The following MYBPC2 variants were observed in gnomAD, a reference collection of about 807,000 sequenced individuals.
The protein encoded by MYBPC2 is myosin binding protein C2, also known as myosin-binding protein C, fast-type.
A neutral mutation model predicts 137.0 loss-of-function variants in MYBPC2; 122 were observed. The observed-to-expected ratio is 0.89, with a 90% CI of 0.77 to 1.03. The LOEUF is 1.03. Among genes scored for constraint, MYBPC2 ranks in the 50% least tolerant of loss-of-function variants. MYBPC2 has a pLI of 0.00. For synonymous variants in MYBPC2, 626 were observed against 612.3 expected (o/e 1.02, Z -0.33); for missense variants, 1,500 against 1,534.4 (o/e 0.98, Z 0.37).
rs2040013846 is a variant in MYBPC2, at chr19:50,466,116, T to G, written c.3416-79T>G. 6.3e-7 allele frequency: 1 copy of G among 1,595,730 alleles called. No individual in the cohort carries two copies. The highest frequency in any genetic ancestry group is 1.7e-5 in the Admixed American group (1 of 59,024). ...TCATCCTGTCCCCCTGCTGGTCATG[T>G]GGATGCAGCTCCTCCTCCTGGGGCT... On this transcript the variant is annotated intron_variant, in intron 27 of 27. Coordinates refer to ENST00000357701, the MANE Select transcript of MYBPC2 (RefSeq NM_004533.4). The surrounding 1 kb of genome is among the most constrained non-coding windows in gnomAD (Gnocchi z 4.9).
chr19:50,460,499 C>G (rs2039962347), intron 24 of MYBPC2, among the ~76,000 whole-genome samples: 1 of 152,160 alleles, frequency 6.6e-6, no homozygotes, highest in Admixed American at 6.5e-5. Context: ...AAGCCCTGTA[C>G]CCAATAGCGC....
At chr19:50,433,060 G>A in intron 1 of MYBPC2, 88 bp downstream of exon 1, 1 of 1,448,350 alleles carries the variant, frequency 6.9e-7, no homozygotes, top group Non-Finnish European at 9.1e-7. Context: ...AGGGTTGGGA[G>A]AAGGAGGAAC....
chr19:50,438,236 C>T (rs1323015103), intron 7 of MYBPC2, among the ~76,000 whole-genome samples: 3 of 152,196 alleles, frequency 2.0e-5, no homozygotes, highest in Admixed American at 6.5e-5. Context: ...CACCTGTTTA[C>T]CTGCCCATCT....
intron 20 of MYBPC2, among the ~76,000 whole-genome samples, chr19:50,458,308 TAAAA>T (rs375818984): frequency 1.2e-5 from 1 of 85,970 alleles, no homozygotes; most frequent in Admixed American, 1.3e-4. Flanking sequence ...AGACTCCACC[TAAAA>T]AAAAAAAAAA....
chr19:50,464,291 A>G, intron 26 of MYBPC2, 55 bp from the exon 27 acceptor site: 1 of 1,492,280 alleles, frequency 6.7e-7, no homozygotes, highest in Non-Finnish European at 9.0e-7. Flanking sequence ...CCATTTTGTC[A>G]TCATTGCCCA....
At position 50,455,830 on chromosome 19, in the gene MYBPC2, T is replaced by C. The variant is rs539247920; in HGVS notation, c.2338+186T>C. Among the ~76,000 whole-genome samples, 363 of 152,318 alleles carry C rather than the reference T, an allele frequency of 2.4e-3. 3 individuals are homozygous for C. The highest frequency in any genetic ancestry group is 8.3e-3 in the African/African-American group (347 of 41,574). ...TGACTAGTGTGTTTTCTCTCCCTTC[T>C]TCCTTTCTACATCCATCCTCCATAC... is the stretch of plus-strand genomic sequence containing the variant. On this transcript the variant is annotated intron_variant, in intron 20 of 27. Coordinates refer to ENST00000357701, the MANE Select transcript of MYBPC2 (RefSeq NM_004533.4).
At chr19:50,457,151 G>T (rs1453707819) in intron 20 of MYBPC2, among the ~76,000 whole-genome samples, 1 of 152,136 alleles carries the variant, frequency 6.6e-6, no homozygotes, top group African/African-American at 2.4e-5. Flanking sequence ...TCTTGACAGG[G>T]TACAGTGACG....
intron 9 of MYBPC2, 126 bp downstream of exon 9, chr19:50,442,439 G>A (rs895966506): frequency 7.5e-7 from 1 of 1,330,706 alleles, no homozygotes; most frequent in Non-Finnish European, 1.0e-6. Context: ...TACAGGCCGG[G>A]CACAGTGGCT....
Position 50,458,752 on chromosome 19 carries a change from C to T in MYBPC2, c.2504C>T (p.Ala835Val), listed in dbSNP as rs748773939. 6.2e-7 allele frequency: 1 copy of T among 1,606,916 alleles called. No individual in the cohort carries two copies. Among genetic ancestry groups the T allele is most frequent in the East Asian group, 2.2e-5 (1 of 44,870 alleles). ...CAGCCGGTCACCATCAGGGAGATTG[C>T]GGGTGCGTGGCCCCTGACCCTGCGC... ...LAQPVTIREI[A>V]EPPKIRLPRH... Residue 835 changes from alanine to valine, a missense_variant and splice_region_variant, in exon 21 of 28, where the codon GCG becomes GTG. Ala to Val is a moderately conservative substitution (Grantham distance 64). Coordinates refer to ENST00000357701, the MANE Select transcript of MYBPC2 (RefSeq NM_004533.4).
Position 50,441,079 on chromosome 19 carries a change from C to G in MYBPC2, c.769+3C>G, listed in dbSNP as rs780967982. 3.5e-5 allele frequency: 55 copies of G among 1,582,274 alleles called. No homozygotes were observed. Among genetic ancestry groups the G allele is most frequent in the Non-Finnish European group, 8.6e-6 (10 of 1,164,834 alleles). On this transcript the variant is annotated splice_donor_region_variant and intron_variant, in intron 8 of 27. Transcript: ENST00000357701. ...GGTCGAGGTCAAGAAGAGTGCAGGT[C>G]AGCCCTGGTCTGGGGGGAGCTGGGC...
chr19:50,445,979 G>GA lies in MYBPC2; in HGVS notation c.1233_1234insA (p.Val412SerfsTer18). The stretch of plus-strand genomic sequence containing the variant: ...GCCACATCCTCATCTTCTCAGACGT[G>GA]GTCCAGGAGGACAGGGGTCGCTATC... On this transcript the variant is annotated frameshift_variant, in exon 12 of 28. Transcript: ENST00000357701. LOFTEE classifies it high-confidence loss of function. 6.2e-7 allele frequency: 1 copy of GA among 1,613,392 alleles called. No homozygotes were observed. Among genetic ancestry groups the GA allele is most frequent in the Non-Finnish European group, 8.5e-7 (1 of 1,179,678 alleles).
At chr19:50,460,588 A>G (rs1380168174) in intron 24 of MYBPC2, among the ~76,000 whole-genome samples, 2 of 152,154 alleles carry the variant, frequency 1.3e-5, no homozygotes, top group African/African-American at 2.4e-5. Context: ...TTTCATACAC[A>G]TGGAATCCTA....
At chr19:50,458,518 C>T (rs1012012181) in intron 20 of MYBPC2, 69 bp from the exon 21 acceptor site, 2 of 1,560,200 alleles carry the variant, frequency 1.3e-6, no homozygotes, top group Non-Finnish European at 1.7e-6. Flanking sequence ...GGGCCCAAGT[C>T]CCCGGGAGAA....
intron 5 of MYBPC2, 96 bp from the exon 6 acceptor site, chr19:50,437,377 C>A (rs1280783099): frequency 6.8e-6 from 9 of 1,322,912 alleles, no homozygotes; most frequent in African/African-American, 1.5e-5. Flanking sequence ...GAAAAGGGGG[C>A]CTGGAAGAGG....
At chr19:50,445,190 A>C (rs1004473550) in intron 11 of MYBPC2, among the ~76,000 whole-genome samples, 28 of 152,072 alleles carry the variant, frequency 1.8e-4, no homozygotes, top group African/African-American at 6.8e-4. Context: ...ATAAGTGAAG[A>C]GAGAAGGGGA....
Position 50,462,011 on chromosome 19 carries a change from A to G in MYBPC2, c.3203A>G (p.Asn1068Ser). 4 of 1,573,900 alleles carry G rather than the reference A, an allele frequency of 2.5e-6. No homozygotes were observed. The highest frequency in any genetic ancestry group is 2.3e-5 in the East Asian group (1 of 42,648). ...GTGGCTGGGTACTCGGCAGCCCTCA[A>G]CTGTGCTGTCAGAGGCCACCCGAAG... ...VVVAGYSAAL[N>S]CAVRGHPKPK... is the part of the protein sequence containing the mutation. Residue 1068 changes from asparagine (N) to serine (S), a missense_variant, in exon 26 of 28, where the codon AAC becomes AGC. Transcript: ENST00000357701.
chr19:50,449,885 G>A (rs886079542), intron 13 of MYBPC2, among the ~76,000 whole-genome samples: 2 of 152,170 alleles, frequency 1.3e-5, no homozygotes, highest in African/African-American at 4.8e-5. Flanking sequence ...GCCGGGCATG[G>A]TGGCTCACAC....
chr19:50,459,360 G>A, intron 23 of MYBPC2, 54 bp downstream of exon 23: 3 of 1,355,448 alleles, frequency 2.2e-6, no homozygotes, highest in East Asian at 2.9e-5. Context: ...GATGGGCAGC[G>A]ATGGGGGAGG....
chr19:50,460,278 G>A, intron 24 of MYBPC2, 99 bp downstream of exon 24: 1 of 1,451,998 alleles, frequency 6.9e-7, no homozygotes, highest in African/African-American at 1.4e-5. Flanking sequence ...GAGGGGCCCA[G>A]AGGCTAGAGG....
Sources: allele counts gnomAD v4.1 joint callset (sites outside exome capture counted in the v4.1 genomes callset), GRCh38; gene constraint gnomAD v4.1.1; non-coding constraint Gnocchi (gnomAD v3.1); transcripts MANE v1.5; gene names NCBI Gene and HGNC (gene_info 2026-07-23, HGNC 2026-07-21).